Variants in FOLR2 observed in about 807,000 individuals in gnomAD.
FOLR2 encodes folate receptor beta, also known as folate receptor 2 (fetal).
A neutral mutation model predicts 20.4 loss-of-function variants in FOLR2; 14 were observed. The ratio of observed to expected loss-of-function variants is 0.68; its 90% CI spans 0.45 to 1.07. FOLR2 has a LOEUF of 1.07. Among genes scored for constraint, FOLR2 ranks in the 50% least tolerant of loss-of-function variants. FOLR2 has a pLI of 0.00. For missense variants in FOLR2, 269 were observed against 322.6 expected (o/e 0.83, Z 1.27); for synonymous variants, 114 against 114.3 (o/e 1.00, Z 0.02).
chr11:72,220,850 C>A lies in FOLR2; in HGVS notation c.151-20C>A. On this transcript the variant is annotated intron_variant, in intron 2 of 4. Transcript: ENST00000298223. ...AGGAGGGTATGGGGAGGCACTTAGTCCTGTGTCTTCCCCACCCAGTGCAGT... is the reference window on the plus strand; with the variant it reads ...AGGAGGGTATGGGGAGGCACTTAGTACTGTGTCTTCCCCACCCAGTGCAGT... The A allele has an allele frequency of 6.2e-7, 1 of 1,613,678 alleles. No homozygotes were observed. Among genetic ancestry groups the A allele is most frequent in the Non-Finnish European group, 8.5e-7 (1 of 1,179,848 alleles).
Position 72,221,190 on chromosome 11 carries a change from G to A in FOLR2, c.354G>A (p.Trp118Ter). The A allele has an allele frequency of 3.1e-6, 5 of 1,612,694 alleles. No homozygotes were observed. Among genetic ancestry groups the A allele is most frequent in the South Asian group, 1.1e-5 (1 of 90,788 alleles). ...GPWIQQVNQS[W>*]RKERFLDVPL... ...CTCCCACCCAGGTGAATCAGAGCTG[G>A]CGCAAAGAACGCTTCCTGGATGTGC... The change falls in exon 4 of 5, where the codon TGG becomes TGA. Residue 118 changes from tryptophan to a stop codon, truncating the protein, a stop_gained. Transcript: ENST00000298223. LOFTEE classifies it high-confidence loss of function.
In FOLR2 at chr11:72,218,593, G is replaced by A; in HGVS notation, c.9G>A (p.Trp3Ter). The change falls in exon 2 of 5, where the codon TGG (tryptophan) becomes TGA (stop). Residue 3 changes from tryptophan (W) to a stop codon, truncating the protein, a stop_gained. Transcript: ENST00000298223. LOFTEE classifies it high-confidence loss of function. MV[W>*]KWMPLLLLLV... The stretch of plus-strand genomic sequence containing the variant: ...TGCAGGGACAGAAAGACATGGTCTG[G>A]AAATGGATGCCACTTCTGCTGCTTC... The A allele has an allele frequency of 6.2e-7, 1 of 1,613,346 alleles. No individual in the cohort carries two copies.
In FOLR2 at chr11:72,221,019, CTA is replaced by C. The variant is rs1565374673; in HGVS notation, c.302_303del (p.Tyr101Ter). ...GCCACTTCATCCAGGACACCTGTCT[CTA>C]TGAGTGCTCACCCAACCTGGGGCCC... is the stretch of plus-strand genomic sequence containing the variant. Reference protein sequence around the residue: ...KRHFIQDTCLYECSPNLGPWI... With the variant: ...KRHFIQDTCLXECSPNLGPWI... On this transcript the variant is annotated frameshift_variant, in exon 3 of 5. Transcript: ENST00000298223. LOFTEE classifies it high-confidence loss of function. 6.2e-7 allele frequency: 1 copy of C among 1,613,872 alleles called. No homozygotes were observed. Among genetic ancestry groups the C allele is most frequent in the Admixed American group, 1.7e-5 (1 of 60,032 alleles).
At chr11:72,220,830 G>A in intron 2 of FOLR2, 40 bp from the exon 3 acceptor site, 1 of 1,612,280 alleles carries the variant, frequency 6.2e-7, no homozygotes, top group South Asian at 1.1e-5. Flanking sequence ...GGAGGAGGAG[G>A]GTATGGGGAG....
At position 72,221,069 on chromosome 11, in the gene FOLR2, T is replaced by TGGGGGGCCCCCCCCCCCCCCCCCC; in HGVS notation, c.339+11_339+12insGGGGGGCCCCCCCCCCCCCCCCCC. 1 of 717,302 alleles carries TGGGGGGCCCCCCCCCCCCCCCCCC rather than the reference T, an allele frequency of 1.4e-6. No homozygotes were observed. Among genetic ancestry groups the TGGGGGGCCCCCCCCCCCCCCCCCC allele is most frequent in the Non-Finnish European group, 2.2e-6 (1 of 458,082 alleles). 44.4% of individuals were successfully genotyped at this position (717,302 alleles called of 1,614,324 possible). ...CCCTGGATCCAGCAGGTAGGGTGTC[T>TGGGGGGCCCCCCCCCCCCCCCCCC]CCCCCCCACCCACCCCAGCAGACTG... On this transcript the variant is annotated intron_variant, in intron 3 of 4. Coordinates refer to ENST00000298223, the MANE Select transcript of FOLR2 (RefSeq NM_000803.5).
At position 72,221,658 on chromosome 11, in the gene FOLR2, T is replaced by G. The variant is rs1473253745; in HGVS notation, c.664T>G (p.Phe222Val). Residue 222 changes from phenylalanine to valine, a missense_variant, in exon 5 of 5, where the codon TTC (phenylalanine) becomes GTC (valine). Physicochemically the swap from Phe to Val is conservative, Grantham distance 50 (BLOSUM62 -1). Transcript: ENST00000298223. ...QGNPNEEVARFYAAAMHVNAG... is the reference protein window; with the variant it reads ...QGNPNEEVARVYAAAMHVNAG... ...CAACCCCAACGAGGAAGTGGCGAGGTTCTATGCTGCAGCCATGCATGTGAA... is the reference window on the plus strand; with the variant it reads ...CAACCCCAACGAGGAAGTGGCGAGGGTCTATGCTGCAGCCATGCATGTGAA... The G allele has an allele frequency of 6.2e-7, 1 of 1,613,836 alleles. No homozygotes were observed. Among genetic ancestry groups the G allele is most frequent in the Non-Finnish European group, 8.5e-7 (1 of 1,179,980 alleles).
intron 2 of FOLR2, 104 bp downstream of exon 2, chr11:72,218,838 C>A: frequency 2.1e-6 from 2 of 954,882 alleles, no homozygotes; most frequent in Non-Finnish European, 1.6e-6. Flanking sequence ...CCTCCACATC[C>A]TGAAGTTTTC....
intron 2 of FOLR2, among the ~76,000 whole-genome samples, chr11:72,219,124 G>A (rs1948442112): frequency 6.6e-6 from 1 of 152,178 alleles, no homozygotes; most frequent in African/African-American, 2.4e-5. Context: ...CCTGTGGAGG[G>A]GTAGGAATAG....
chr11:72,218,876 G>T, intron 2 of FOLR2, 142 bp downstream of exon 2: 1 of 716,674 alleles, frequency 1.4e-6, no homozygotes, highest in Non-Finnish European at 2.3e-6. Flanking sequence ...GGTGGAGTAG[G>T]AAGAGTGGCT....
chr11:72,221,472 G>A lies in FOLR2; in HGVS notation c.478G>A (p.Val160Ile), dbSNP rs770766454. The change falls in exon 5 of 5, where the codon GTT (valine) becomes ATT (isoleucine). Residue 160 changes from valine to isoleucine, a missense_variant and splice_region_variant. Physicochemically the swap from Val to Ile is conservative, Grantham distance 29. Coordinates refer to ENST00000298223, the MANE Select transcript of FOLR2 (RefSeq NM_000803.5). ...GTCCACCATGCCTCTCCCTGCAGGAGTTAACAAGTGCCCAGCTGGGGCTCT... is the reference window on the plus strand; with the variant it reads ...GTCCACCATGCCTCTCCCTGCAGGAATTAACAAGTGCCCAGCTGGGGCTCT... Reference protein sequence around the residue: ...WHRGWDWTSGVNKCPAGALCR... With the variant: ...WHRGWDWTSGINKCPAGALCR... 1.1e-5 allele frequency: 18 copies of A among 1,613,682 alleles called. No individual in the cohort carries two copies. The Admixed American group carries it at 2.2e-4, about 19-fold the overall frequency.
At chr11:72,220,792 C>G in intron 2 of FOLR2, 78 bp from the exon 3 acceptor site, 1 of 1,577,540 alleles carries the variant, frequency 6.3e-7, no homozygotes, top group Non-Finnish European at 8.6e-7. Flanking sequence ...GGAGTAAGAA[C>G]CAAATGGGGG....
At chr11:72,217,247 A>T (rs2135399451) in intron 1 of FOLR2, 1 of 615,512 alleles carries the variant, frequency 1.6e-6, no homozygotes, top group Admixed American at 2.5e-5. Context: ...CTGGTCTCGA[A>T]CTCTTGACCT....
Position 72,217,319 on chromosome 11 carries a change from G to C in FOLR2, c.-25+394G>C, listed in dbSNP as rs149204136. 1,727 of 1,261,390 alleles carry C rather than the reference G, an allele frequency of 1.4e-3. 22 individuals are homozygous for C. In the African/African-American group the frequency reaches 0.022, roughly 16 times the overall value. 78.1% of individuals were successfully genotyped at this position (1,261,390 alleles called of 1,614,324 possible). A position where few individuals can be genotyped will look rare whatever the true frequency, so the allele number is the denominator to read the frequency against. ...ATTACAGGCGTGAGCCACTGTGCCCGGCCACATCTTTCTTTAGAAAGATCA... is the reference window on the plus strand; with the variant it reads ...ATTACAGGCGTGAGCCACTGTGCCCCGCCACATCTTTCTTTAGAAAGATCA... On this transcript the variant is annotated intron_variant, in intron 1 of 4. Transcript: ENST00000298223.
intron 2 of FOLR2, 85 bp from the exon 3 acceptor site, chr11:72,220,785 G>T (rs1948471070): frequency 6.4e-7 from 1 of 1,560,842 alleles, no homozygotes; most frequent in Non-Finnish European, 8.7e-7. Context: ...GGGCAGAGGA[G>T]TAAGAACCAA....
rs74853303 is a variant in FOLR2 at position 72,220,969 on chromosome 11, G to A, written c.250G>A (p.Gly84Ser). The change falls in exon 3 of 5, where the codon GGC becomes AGC. Residue 84 changes from glycine (G) to serine (S), a missense_variant. Physicochemically the swap from Gly to Ser is moderately conservative, Grantham distance 56. Transcript: ENST00000298223. ...GTACAACTTTAACTGGGACCACTGC[G>A]GCAAGATGGAGCCCGCCTGCAAGCG... ...RLYNFNWDHC[G>S]KMEPACKRHF... The A allele has an allele frequency of 7.2e-4, 1,169 of 1,613,944 alleles. 6 individuals are homozygous for A. The African/African-American group carries it at 0.013, about 18-fold the overall frequency.
At position 72,221,802 on chromosome 11, in the gene FOLR2, C is replaced by A; in HGVS notation, c.*40C>A. ...GACTACCTGCCCTCAGCTTGGATAA[C>A]CAGGCTGGGCTCAGCTCAGCTCCCA... On this transcript the variant is annotated 3_prime_UTR_variant, in exon 5 of 5. Transcript: ENST00000298223. 6.3e-7 allele frequency: 1 copy of A among 1,585,846 alleles called. No homozygotes were observed.
intron 4 of FOLR2, 36 bp from the exon 5 acceptor site, chr11:72,221,434 G>T: frequency 6.2e-7 from 1 of 1,604,318 alleles, no homozygotes; most frequent in Non-Finnish European, 8.5e-7. Context: ...GGGCCCAGGG[G>T]CTGAAAGTCT....
intron 1 of FOLR2, 84 bp from the exon 2 acceptor site, chr11:72,218,477 T>G: frequency 7.9e-7 from 1 of 1,257,926 alleles, no homozygotes; most frequent in Non-Finnish European, 1.1e-6. Flanking sequence ...TTTGCCACCG[T>G]AGGGTTGGGG....
Position 72,221,067 on chromosome 11 carries a change from T to C in FOLR2, c.339+9T>C. 6.4e-7 allele frequency: 1 copy of C among 1,570,120 alleles called. No individual in the cohort carries two copies. The highest frequency in any genetic ancestry group is 1.1e-5 in the South Asian group (1 of 87,006). On this transcript the variant is annotated intron_variant, in intron 3 of 4. Transcript: ENST00000298223. ...GGCCCTGGATCCAGCAGGTAGGGTG[T>C]CTCCCCCCCACCCACCCCAGCAGAC...
Sources: gnomAD v4.1 joint callset for allele counts (sites outside exome capture counted in the v4.1 genomes callset) on GRCh38, gnomAD v4.1.1 for gene constraint, MANE v1.5 for transcripts, NCBI Gene and HGNC (gene_info 2026-07-23, HGNC 2026-07-21) for gene names.